CPNE4: variants seen among roughly 807,000 people sequenced by gnomAD.
CPNE4 encodes the protein copine-4.
CPNE4 carries 25 observed loss-of-function variants against 67.9 expected under a neutral mutation model. The ratio of observed to expected loss-of-function variants is 0.37; its 90% CI spans 0.27 to 0.51. The LOEUF (loss-of-function observed/expected upper bound fraction) is 0.51, where lower values mean the gene tolerates loss of function less well. Ranked by LOEUF, CPNE4 falls within the 20% of genes least tolerant of loss-of-function variation. The pLI, the probability that CPNE4 is intolerant of heterozygous loss-of-function variation, is 0.93. For missense variants in CPNE4, 464 were observed against 690.8 expected, an observed-to-expected ratio of 0.67 and a Z score of 3.68; for synonymous variants, 242 against 244.9, an observed-to-expected ratio of 0.99 and a Z score of 0.11.
At chr3:131,764,993 G>A (rs1347282554) in intron 2 of CPNE4, among the ~76,000 whole-genome samples, 1 of 152,102 alleles carries the variant, frequency 6.6e-6, no homozygotes, top group Admixed American at 6.6e-5. Flanking sequence ...GATTTTAGGA[G>A]GCAGCAACTC....
intron 1 of CPNE4, among the ~76,000 whole-genome samples, chr3:131,916,347 G>GAAAA (rs35520224): frequency 2.5e-5 from 3 of 117,778 alleles, no homozygotes; most frequent in African/African-American, 3.2e-5. Flanking sequence ...TTTCCAGTTA[G>GAAAA]AAAAAAAAAA....
intron 1 of CPNE4, among the ~76,000 whole-genome samples, chr3:131,935,054 A>G (rs2071182327): frequency 1.3e-5 from 2 of 152,204 alleles, no homozygotes; most frequent in South Asian, 4.1e-4. Flanking sequence ...AAAAAATTCA[A>G]TAAAGAAATT....
chr3:131,726,754 CCTGTTT>C (rs113631016), intron 2 of CPNE4, among the ~76,000 whole-genome samples: 16,228 of 150,226 alleles, frequency 0.11, 1,002 homozygotes, highest in African/African-American at 0.14. Flanking sequence ...AACTCAGATT[CCTGTTT>C]CCTAACCCCA....
At chr3:131,993,543 A>G (rs1459788231) in intron 1 of CPNE4, among the ~76,000 whole-genome samples, 1 of 128,902 alleles carries the variant, frequency 7.8e-6, no homozygotes, top group Non-Finnish European at 1.7e-5. Context: ...TTTGTCTGTG[A>G]AAACATGGGT....
At chr3:131,615,357 G>C (rs541957499) in intron 7 of CPNE4, among the ~76,000 whole-genome samples, 1 of 152,260 alleles carries the variant, frequency 6.6e-6, no homozygotes, top group East Asian at 1.9e-4. Context: ...TTCTGCAATA[G>C]ATTATCACAG....
intron 8 of CPNE4, among the ~76,000 whole-genome samples, chr3:131,583,442 A>C (rs1937972509): frequency 6.6e-6 from 1 of 152,210 alleles, no homozygotes; most frequent in Non-Finnish European, 1.5e-5. Context: ...TTTACCAAAC[A>C]GTTGGAAAGA....
At chr3:131,632,867 T>A (rs1352237337) in intron 7 of CPNE4, among the ~76,000 whole-genome samples, 1 of 152,156 alleles carries the variant, frequency 6.6e-6, no homozygotes, top group Non-Finnish European at 1.5e-5. Context: ...TTTAGAAGCA[T>A]CACTGATGTC....
At chr3:132,018,169 AAAG>A (rs57822475) in intron 1 of CPNE4, among the ~76,000 whole-genome samples, 102,708 of 151,734 alleles carry the variant, frequency 0.68, 35,558 homozygotes, top group Middle Eastern at 0.75. Context: ...TATTTTTAAA[AAAG>A]AATTTTGCCA....
At chr3:131,837,825 T>G (rs62280882) in intron 2 of CPNE4, among the ~76,000 whole-genome samples, 35,617 of 151,864 alleles carry the variant, frequency 0.23, 4,758 homozygotes, top group Middle Eastern at 0.33. Context: ...TTATATATGA[T>G]GTTCTCTTGG....
chr3:131,735,403 T>A (rs886272989), intron 2 of CPNE4, among the ~76,000 whole-genome samples: 2 of 152,218 alleles, frequency 1.3e-5, no homozygotes, highest in South Asian at 2.1e-4. Context: ...GAACACTAGC[T>A]CTACAGGCAG....
chr3:131,916,184 G>A (rs762484693), intron 1 of CPNE4, among the ~76,000 whole-genome samples: 1 of 151,986 alleles, frequency 6.6e-6, no homozygotes, highest in South Asian at 2.1e-4. Flanking sequence ...ATTTACTCTT[G>A]TTTCTCAGGC....
At chr3:131,762,837 T>C (rs1407197546) in intron 2 of CPNE4, among the ~76,000 whole-genome samples, 1 of 151,950 alleles carries the variant, frequency 6.6e-6, no homozygotes, top group African/African-American at 2.4e-5. Context: ...TTTTTATGAA[T>C]ATCATGAGTG....
chr3:131,691,165 AAACAG>A (rs1239483269), intron 5 of CPNE4, among the ~76,000 whole-genome samples: 16 of 152,210 alleles, frequency 1.1e-4, no homozygotes, highest in South Asian at 6.2e-4. Flanking sequence ...AAAGAGCTTA[AAACAG>A]AACTACCGTT....
At chr3:131,986,830 C>CAAAAAAAAAAAAACAAAA (rs369896508) in intron 1 of CPNE4, among the ~76,000 whole-genome samples, 1 of 87,456 alleles carries the variant, frequency 1.1e-5, no homozygotes, top group Non-Finnish European at 2.2e-5. Flanking sequence ...GACTCGGTCT[C>CAAAAAAAAAAAAACAAAA]AAAAAAAAAA....
At chr3:131,549,352 G>C (rs1936047863) in intron 14 of CPNE4, among the ~76,000 whole-genome samples, 1 of 152,120 alleles carries the variant, frequency 6.6e-6, no homozygotes, top group Non-Finnish European at 1.5e-5. Context: ...AAGCTAAAAA[G>C]ACATGTATTA....
At chr3:131,919,593 C>G (rs2070685957) in intron 1 of CPNE4, among the ~76,000 whole-genome samples, 1 of 152,128 alleles carries the variant, frequency 6.6e-6, no homozygotes, top group Admixed American at 6.5e-5. Flanking sequence ...TAAACTACAT[C>G]TTGATTTAGG....
chr3:131,831,248 G>A (rs1244187195), intron 2 of CPNE4, among the ~76,000 whole-genome samples: 1 of 151,958 alleles, frequency 6.6e-6, no homozygotes, highest in Non-Finnish European at 1.5e-5. Flanking sequence ...AAATTTTAGA[G>A]GAAATTACAC....
At chr3:131,884,372 G>A (rs1015344687) in intron 2 of CPNE4, among the ~76,000 whole-genome samples, 1 of 152,096 alleles carries the variant, frequency 6.6e-6, no homozygotes, top group African/African-American at 2.4e-5. Flanking sequence ...ATGGAGAGTG[G>A]ACAAGGAAAT....
At chr3:132,000,147 G>T (rs2073393971) in intron 1 of CPNE4, among the ~76,000 whole-genome samples, 1 of 151,782 alleles carries the variant, frequency 6.6e-6, no homozygotes, top group African/African-American at 2.4e-5. Flanking sequence ...ACTAATCAGA[G>T]AACAAGATAG....
Sources: gnomAD v4.1 joint callset for allele counts (sites outside exome capture counted in the v4.1 genomes callset) on GRCh38, gnomAD v4.1.1 for gene constraint, MANE v1.5 for transcripts, NCBI Gene and HGNC (gene_info 2026-07-23, HGNC 2026-07-21) for gene names.